Variants in MARCHF11 observed in about 807,000 individuals in gnomAD.
The protein encoded by MARCHF11 is E3 ubiquitin-protein ligase MARCHF11.
Under a neutral mutation model 37.3 loss-of-function variants are expected in MARCHF11, and 29 were observed. The observed-to-expected ratio is 0.78, with a 90% CI of 0.58 to 1.06. The LOEUF (loss-of-function observed/expected upper bound fraction) is 1.06. Ranked by LOEUF, MARCHF11 falls within the 50% of genes least tolerant of loss-of-function variation. The pLI is 0.00. For synonymous variants in MARCHF11, 233 were observed against 228.0 expected (o/e 1.02, Z -0.20); for missense variants, 482 against 533.4 (o/e 0.90, Z 0.95).
At chr5:16,158,630 C>T (rs344734) in intron 2 of MARCHF11, among the ~76,000 whole-genome samples, 112,464 of 151,812 alleles carry the variant, frequency 0.74, 41,907 homozygotes, top group Middle Eastern at 0.81. Context: ...AAGGGTTAGA[C>T]AGAAGAAATA....
chr5:16,142,454 C>T (rs754826299), intron 2 of MARCHF11, among the ~76,000 whole-genome samples: 1 of 152,072 alleles, frequency 6.6e-6, no homozygotes, highest in African/African-American at 2.4e-5. Context: ...GTAGACAGCT[C>T]GCAGGGTAAA....
chr5:16,070,050 T>C (rs796676419), intron 3 of MARCHF11, among the ~76,000 whole-genome samples: 1 of 152,324 alleles, frequency 6.6e-6, no homozygotes, highest in African/African-American at 2.4e-5. Flanking sequence ...TAATGAGAAA[T>C]GTAAACTTCT....
rs746011063 is a variant in MARCHF11, at chr5:16,103,111, G to GAA, written c.694-12032_694-12031dup. On this transcript the variant is annotated intron_variant, in intron 2 of 3. Coordinates refer to ENST00000332432, the MANE Select transcript of MARCHF11 (RefSeq NM_001102562.3). Reference sequence around the variant, plus strand: ...TCACCATGAGATCACTGCCCAGGCAGAAAAAAAAAAAACAAAACTCCACAA... The same window carrying GAA: ...TCACCATGAGATCACTGCCCAGGCAGAAAAAAAAAAAAAACAAAACTCCACAA... Among the ~76,000 whole-genome samples the GAA allele has an allele frequency of 2.0e-3, 270 of 135,614 alleles. 9 individuals are homozygous for GAA. Among genetic ancestry groups the GAA allele is most frequent in the South Asian group, 0.016 (68 of 4,384 alleles). 89.0% of individuals were successfully genotyped at this position (135,614 alleles called of 152,430 possible).
intron 3 of MARCHF11, among the ~76,000 whole-genome samples, chr5:16,068,944 T>C (rs1736393008): frequency 6.6e-6 from 1 of 152,232 alleles, no homozygotes; most frequent in African/African-American, 2.4e-5. Flanking sequence ...AATTTAAAAA[T>C]GAGCAGATCC....
At chr5:16,094,519 G>A (rs541388006) in intron 2 of MARCHF11, among the ~76,000 whole-genome samples, 31 of 151,144 alleles carry the variant, frequency 2.1e-4, no homozygotes, top group African/African-American at 6.1e-4. Flanking sequence ...CTGTGTGTAC[G>A]TGTGTGTGTG....
At chr5:16,154,718 C>T (rs563196690) in intron 2 of MARCHF11, among the ~76,000 whole-genome samples, 1 of 151,998 alleles carries the variant, frequency 6.6e-6, no homozygotes, top group Non-Finnish European at 1.5e-5. Flanking sequence ...CACAGATCTG[C>T]AAATGGTCAG....
intron 2 of MARCHF11, among the ~76,000 whole-genome samples, chr5:16,149,270 T>A (rs905064311): frequency 3.3e-5 from 5 of 152,138 alleles, no homozygotes; most frequent in Admixed American, 3.3e-4. Flanking sequence ...TTTAAAGATC[T>A]ACGGCCTGAA....
chr5:16,129,165 G>A (rs187886832), intron 2 of MARCHF11: 2 of 152,262 alleles, frequency 1.3e-5, no homozygotes, highest in African/African-American at 2.4e-5. Flanking sequence ...TGTAGTTCAT[G>A]CCATTTGCAT....
chr5:16,091,107 G>A (rs1579681346), intron 2 of MARCHF11, 26 bp from the exon 3 acceptor site: 4 of 1,502,016 alleles, frequency 2.7e-6, no homozygotes, highest in East Asian at 4.8e-5. Flanking sequence ...AGGCATGTAA[G>A]AAAGGAGCTG....
chr5:16,076,325 A>G (rs1003556738), intron 3 of MARCHF11, among the ~76,000 whole-genome samples: 8 of 152,222 alleles, frequency 5.3e-5, no homozygotes, highest in Admixed American at 2.6e-4. Context: ...CAGAATTCAC[A>G]GGAGAGAAAA....
At chr5:16,084,655 A>C (rs868262549) in intron 3 of MARCHF11, among the ~76,000 whole-genome samples, 4,112 of 152,182 alleles carry the variant, frequency 0.027, 171 homozygotes, top group African/African-American at 0.093. Flanking sequence ...AAAAACAAAA[A>C]AAAAAAAGAA....
At chr5:16,124,498 G>A (rs569462488) in intron 2 of MARCHF11, among the ~76,000 whole-genome samples, 3 of 152,084 alleles carry the variant, frequency 2.0e-5, no homozygotes, top group African/African-American at 7.2e-5. Flanking sequence ...AGTAAGACAC[G>A]GGAATCCAGG....
chr5:16,095,428 G>A (rs532702984), intron 2 of MARCHF11, among the ~76,000 whole-genome samples: 9 of 129,980 alleles, frequency 6.9e-5, no homozygotes, highest in Admixed American at 9.5e-5. Context: ...GATGGAGGGC[G>A]ATTAAGAGGA....
At position 16,158,821 on chromosome 5, in the gene MARCHF11, C is replaced by T. The variant is rs185977896; in HGVS notation, c.693+18905G>A. 1.8e-3 allele frequency among the ~76,000 whole-genome samples: 274 copies of T among 151,954 alleles called. 1 individual carries two copies. The highest frequency in any genetic ancestry group is 3.1e-3 in the Admixed American group (48 of 15,246). ...TCAACCCATCACCTAGATATTAAGCCCAGCATGCATTCGTTATTTTTCCTG... is the reference window on the plus strand; with the variant it reads ...TCAACCCATCACCTAGATATTAAGCTCAGCATGCATTCGTTATTTTTCCTG... On this transcript the variant is annotated intron_variant, in intron 2 of 3. Transcript: ENST00000332432.
Position 16,179,263 on chromosome 5 carries a change from C to G in MARCHF11, c.313G>C (p.Gly105Arg). ...EVAAAGDSGEGPRRLPEAAAA... is the reference protein window; with the variant it reads ...EVAAAGDSGERPRRLPEAAAA... ...GCCGCCTCCGGGAGGCGCCTCGGACCTTCCCCGGAGTCGCCGGCCGCCGCC... is the reference window on the plus strand; with the variant it reads ...GCCGCCTCCGGGAGGCGCCTCGGACGTTCCCCGGAGTCGCCGGCCGCCGCC... The change falls in exon 1 of 4, where the codon GGT becomes CGT. Residue 105 changes from glycine to arginine, a missense_variant. Coordinates refer to ENST00000332432, the MANE Select transcript of MARCHF11 (RefSeq NM_001102562.3). The G allele has an allele frequency of 7.5e-7, 1 of 1,330,390 alleles. No individual in the cohort carries two copies. The highest frequency in any genetic ancestry group is 1.5e-5 in the African/African-American group (1 of 65,248). The allele number at this position is 1,330,390 out of a possible 1,614,324, so 82.4% of individuals were successfully genotyped here. A position where few individuals can be genotyped will look rare whatever the true frequency, so the allele number is the denominator to read the frequency against.
At position 16,179,414 on chromosome 5, in the gene MARCHF11, C is replaced by G. The variant is rs1161015975; in HGVS notation, c.162G>C (p.Ala54=). Residue 54 remains alanine (A), a synonymous_variant, in exon 1 of 4, where the codon GCG becomes GCC. Coordinates refer to ENST00000332432, the MANE Select transcript of MARCHF11 (RefSeq NM_001102562.3). Reference sequence around the variant, plus strand: ...CGGCGCGCTCGGGGGTCTCGGGGGACGCGGGCAGCGGCGGCAGGTAGCGCG... The same window carrying G: ...CGGCGCGCTCGGGGGTCTCGGGGGAGGCGGGCAGCGGCGGCAGGTAGCGCG... ...AAPRYLPPLP[A]SPETPERAAG... 1.8e-6 allele frequency: 2 copies of G among 1,128,318 alleles called. No individual in the cohort carries two copies. Among genetic ancestry groups the G allele is most frequent in the Non-Finnish European group, 2.2e-6 (2 of 922,704 alleles). 69.9% of individuals were successfully genotyped at this position (1,128,318 alleles called of 1,614,324 possible).
intron 3 of MARCHF11, among the ~76,000 whole-genome samples, chr5:16,083,562 C>T (rs1269589882): frequency 3.3e-5 from 5 of 152,144 alleles, no homozygotes; most frequent in Admixed American, 2.0e-4. Flanking sequence ...TGGGCAAACT[C>T]ATTTTTTTCT....
chr5:16,072,337 TC>T (rs199921331), intron 3 of MARCHF11, among the ~76,000 whole-genome samples: 2,809 of 152,260 alleles, frequency 0.018, 73 homozygotes, highest in African/African-American at 0.064. Context: ...AACATTTGTG[TC>T]CCCAGTGAAC....
At chr5:16,068,858 A>C (rs547468873) in intron 3 of MARCHF11, among the ~76,000 whole-genome samples, 1 of 152,224 alleles carries the variant, frequency 6.6e-6, no homozygotes, top group Non-Finnish European at 1.5e-5. Context: ...TAGAGAGATC[A>C]ATGAATATCC....
Sources: gnomAD v4.1 joint callset for allele counts (sites outside exome capture counted in the v4.1 genomes callset) on GRCh38, gnomAD v4.1.1 for gene constraint, MANE v1.5 for transcripts, NCBI Gene and HGNC (gene_info 2026-07-23, HGNC 2026-07-21) for gene names.